Variants in OTOGL observed in about 807,000 individuals in gnomAD.
OTOGL encodes the protein otogelin-like protein.
In OTOGL, 285 loss-of-function variants were observed where a neutral mutation model predicts 318.5. The ratio of observed to expected loss-of-function variants is 0.89; its 90% confidence interval spans 0.81 to 0.99. OTOGL has a LOEUF of 0.99. Ranked by LOEUF, OTOGL falls within the 50% of genes least tolerant of loss-of-function variation. The probability of loss-of-function intolerance (pLI) is 0.00; values close to 1 mark genes in which losing one functional copy is unlikely to be tolerated. For missense variants in OTOGL, 2,899 were observed against 2,845.6 expected (o/e 1.02, Z -0.43); for synonymous variants, 987 against 936.5 (o/e 1.05, Z -0.99).
At chr12:80,190,702 G>T (rs1193630565) in intron 1 of OTOGL, among the ~76,000 whole-genome samples, 1 of 150,756 alleles carries the variant, frequency 6.6e-6, no homozygotes, top group Non-Finnish European at 1.5e-5. Flanking sequence ...CAGGAGAATG[G>T]CGTGAACCCA....
chr12:80,147,394 G>A (rs1359532696), intron 1 of OTOGL, among the ~76,000 whole-genome samples: 1 of 149,786 alleles, frequency 6.7e-6, no homozygotes, highest in African/African-American at 2.5e-5. Flanking sequence ...CTGAGTTCTA[G>A]TTTGATTGCA....
chr12:80,299,558 G>GA (rs892958047), intron 27 of OTOGL, among the ~76,000 whole-genome samples: 1 of 107,180 alleles, frequency 9.3e-6, no homozygotes, highest in Non-Finnish European at 2.2e-5. Context: ...CATTGAAAGT[G>GA]AAAAATAAGC....
intron 7 of OTOGL, among the ~76,000 whole-genome samples, chr12:80,223,491 T>C (rs1878551421): frequency 6.6e-6 from 1 of 152,078 alleles, no homozygotes; most frequent in Non-Finnish European, 1.5e-5. Flanking sequence ...TTTTAGTTCT[T>C]TCAGGAATCT....
chr12:80,193,181 T>G (rs7138207), intron 1 of OTOGL, among the ~76,000 whole-genome samples: 49,418 of 151,948 alleles, frequency 0.33, 8,214 homozygotes, highest in Middle Eastern at 0.41. Context: ...CTTCAGAACT[T>G]CATTTTAAAC....
At chr12:80,364,103 A>G (rs1272054905) in intron 52 of OTOGL, among the ~76,000 whole-genome samples, 1 of 152,146 alleles carries the variant, frequency 6.6e-6, no homozygotes, top group Admixed American at 6.5e-5. Flanking sequence ...TTTTAAAATG[A>G]CTTTTATATT....
chr12:80,178,316 C>T (rs536303588), intron 1 of OTOGL, among the ~76,000 whole-genome samples: 3 of 152,198 alleles, frequency 2.0e-5, no homozygotes, highest in East Asian at 1.9e-4. Context: ...CTGCCTCGAC[C>T]TCCCAAAGTG....
At chr12:80,351,857 T>G in intron 44 of OTOGL, among the ~76,000 whole-genome samples, 1 of 152,344 alleles carries the variant, frequency 6.6e-6, no homozygotes, top group Non-Finnish European at 1.5e-5. Context: ...ATTATGTAAC[T>G]AATATTGAAT....
rs1325771834 is a variant in OTOGL at position 80,380,054 on chromosome 12, T to C, written c.*2006T>C. On this transcript the variant is annotated 3_prime_UTR_variant, in exon 59 of 59. Coordinates refer to ENST00000547103, the MANE Select transcript of OTOGL (RefSeq NM_001378609.3). Reference sequence around the variant, plus strand: ...AGAGTGCAAATTAGCTCTTAATAAATGGTGTTGGGACAACTGAATGGTTAC... The same window carrying C: ...AGAGTGCAAATTAGCTCTTAATAAACGGTGTTGGGACAACTGAATGGTTAC... The C allele has an allele frequency of 6.6e-6, 1 of 152,074 alleles. No homozygotes were observed. The highest frequency in any genetic ancestry group is 1.5e-5 in the Non-Finnish European group (1 of 67,938). The allele number at this position is 152,074 out of a possible 1,614,324, so 9.4% of individuals were successfully genotyped here.
chr12:80,358,307 G>A lies in OTOGL; in HGVS notation c.6079G>A (p.Asp2027Asn), dbSNP rs750209031. Residue 2027 changes from aspartate (D) to asparagine (N), a missense_variant, in exon 50 of 59, where the codon GAT becomes AAT. Physicochemically the swap from Asp to Asn is conservative, Grantham distance 23. Coordinates refer to ENST00000547103, the MANE Select transcript of OTOGL (RefSeq NM_001378609.3). ...TCATGATGGGGAATTTCTCACAGTA[G>A]ATCTTAATAGCACACACTTCTGTTG... ...LCHDGEFLTV[D>N]LNSTHFCCPQ... 5 of 1,610,572 alleles carry A rather than the reference G, an allele frequency of 3.1e-6. No homozygotes were observed. The African/African-American group carries it at 5.3e-5, about 17-fold the overall frequency.
chr12:80,259,633 A>C (rs1234451624), intron 18 of OTOGL, among the ~76,000 whole-genome samples: 1 of 151,598 alleles, frequency 6.6e-6, no homozygotes, highest in African/African-American at 2.4e-5. Context: ...ACATGCGGTG[A>C]TTGGTTTTCC....
chr12:80,204,735 T>A (rs139060437), intron 1 of OTOGL, among the ~76,000 whole-genome samples: 1 of 152,254 alleles, frequency 6.6e-6, no homozygotes, highest in Non-Finnish European at 1.5e-5. Flanking sequence ...TTCACTAGAA[T>A]GTAAGGAATA....
intron 28 of OTOGL, among the ~76,000 whole-genome samples, chr12:80,304,870 T>C (rs778775239): frequency 5.3e-5 from 8 of 152,326 alleles, no homozygotes; most frequent in African/African-American, 7.2e-5. Flanking sequence ...TATTGAAGAA[T>C]GGAATCTATC....
At chr12:80,147,813 C>T (rs1239137951) in intron 1 of OTOGL, among the ~76,000 whole-genome samples, 1 of 151,900 alleles carries the variant, frequency 6.6e-6, no homozygotes, top group African/African-American at 2.4e-5. Flanking sequence ...TATATAATGG[C>T]CTTGTTTGTC....
At chr12:80,305,057 G>A (rs1886016273) in intron 28 of OTOGL, among the ~76,000 whole-genome samples, 1 of 152,166 alleles carries the variant, frequency 6.6e-6, no homozygotes, top group Non-Finnish European at 1.5e-5. Context: ...GAAGGGGGAT[G>A]TGGAAAAACA....
intron 35 of OTOGL, among the ~76,000 whole-genome samples, chr12:80,327,188 A>C (rs963230803): frequency 6.6e-6 from 1 of 152,142 alleles, no homozygotes; most frequent in Non-Finnish European, 1.5e-5. Flanking sequence ...ATGGACATAG[A>C]AAAATGTACT....
chr12:80,107,632 A>G (rs186610193), intron 1 of OTOGL, among the ~76,000 whole-genome samples: 112 of 152,276 alleles, frequency 7.4e-4, no homozygotes, highest in African/African-American at 2.6e-3. Flanking sequence ...TCATTCTACC[A>G]TAAAGACACA....
intron 26 of OTOGL, among the ~76,000 whole-genome samples, chr12:80,287,416 C>A (rs1884716329): frequency 6.6e-6 from 1 of 151,612 alleles, no homozygotes; most frequent in Non-Finnish European, 1.5e-5. Context: ...ATTAGGTCTG[C>A]CTGGTCCAGA....
rs1891187372 is a variant in OTOGL at position 80,376,586 on chromosome 12, A to G, written c.6782-537A>G. On this transcript the variant is annotated intron_variant, in intron 57 of 58. Transcript: ENST00000547103. ...AAGACCATTTCAGAGCCATAAAATC[A>G]AGTATGACTCATCCATACACTTCAA... Among the ~76,000 whole-genome samples, 7 of 152,274 alleles carry G rather than the reference A, an allele frequency of 4.6e-5. No homozygotes were observed. In the South Asian group the frequency reaches 1.4e-3, roughly 32 times the overall value.
At chr12:80,284,723 G>T (rs1447442599) in intron 26 of OTOGL, among the ~76,000 whole-genome samples, 1 of 152,082 alleles carries the variant, frequency 6.6e-6, no homozygotes, top group African/African-American at 2.4e-5. Flanking sequence ...TTTTGATGGG[G>T]TTGTTTGTCT....
Sources: gnomAD v4.1 joint callset for allele counts (sites outside exome capture counted in the v4.1 genomes callset) on GRCh38, gnomAD v4.1.1 for gene constraint, MANE v1.5 for transcripts, NCBI Gene and HGNC (gene_info 2026-07-23, HGNC 2026-07-21) for gene names.